The following CAPRIN2 variants were observed in gnomAD, a reference collection of about 807,000 sequenced individuals.
CAPRIN2 encodes caprin-2.
CAPRIN2 carries 66 observed loss-of-function variants against 130.4 expected under a neutral mutation model. That is an observed-to-expected ratio of 0.51 (90% CI 0.42 to 0.62). The LOEUF (loss-of-function observed/expected upper bound fraction) is 0.62. Ranked by LOEUF, CAPRIN2 falls within the 20% of genes least tolerant of loss-of-function variation. The pLI is 0.00. For missense variants in CAPRIN2, 1,185 were observed against 1,246.6 expected (o/e 0.95, Z 0.74); for synonymous variants, 471 against 444.1 (o/e 1.06, Z -0.76).
At chr12:30,746,920 G>GC (rs2070802417) in intron 2 of CAPRIN2, among the ~76,000 whole-genome samples, 3 of 152,340 alleles carry the variant, frequency 2.0e-5, no homozygotes, top group Admixed American at 2.0e-4. Flanking sequence ...CAATGTAGAT[G>GC]CAAGAGTCTC....
chr12:30,713,430 A>C (rs1268624075), intron 15 of CAPRIN2, among the ~76,000 whole-genome samples: 1 of 152,220 alleles, frequency 6.6e-6, no homozygotes, highest in Non-Finnish European at 1.5e-5. Context: ...TGGAGTAAGA[A>C]AGTCACATTC....
chr12:30,753,659 C>T (rs2075049001), exon 1 of CAPRIN2: 1 of 1,614,054 alleles, frequency 6.2e-7, no homozygotes, highest in African/African-American at 1.3e-5. Flanking sequence ...TAGAGGGACA[C>T]AGCCAGGCAA....
At chr12:30,737,168 C>T (rs1211526808) in intron 3 of CAPRIN2, among the ~76,000 whole-genome samples, 2 of 151,770 alleles carry the variant, frequency 1.3e-5, no homozygotes, top group East Asian at 3.9e-4. Context: ...CCATGCCTGG[C>T]TAATTTTTTT....
intron 2 of CAPRIN2, among the ~76,000 whole-genome samples, chr12:30,747,622 A>G (rs1332986903): frequency 3.3e-5 from 5 of 151,908 alleles, no homozygotes; most frequent in Non-Finnish European, 7.4e-5. Flanking sequence ...GGTTGCGGTG[A>G]GCCGAGATCG....
intron 2 of CAPRIN2, among the ~76,000 whole-genome samples, chr12:30,743,161 G>A (rs189869001): frequency 4.4e-4 from 55 of 124,672 alleles, no homozygotes; most frequent in Middle Eastern, 7.0e-3. Context: ...TGGATCCTAC[G>A]GAATTGTGCC....
At chr12:30,734,180 A>G (rs1405083788) in intron 4 of CAPRIN2, among the ~76,000 whole-genome samples, 6 of 152,370 alleles carry the variant, frequency 3.9e-5, no homozygotes, top group Admixed American at 2.0e-4. Flanking sequence ...GATGATGACG[A>G]TGGAGTAGAC....
chr12:30,712,733 C>CTTTTTTTTT (rs754373140), intron 15 of CAPRIN2, among the ~76,000 whole-genome samples: 1 of 107,312 alleles, frequency 9.3e-6, no homozygotes, highest in African/African-American at 3.4e-5. Flanking sequence ...GTTTTCCACT[C>CTTTTTTTTT]TTTTTTTTTT....
chr12:30,735,322 G>C, intron 3 of CAPRIN2, 116 bp from the exon 5 acceptor site: 1 of 794,442 alleles, frequency 1.3e-6, no homozygotes, highest in Non-Finnish European at 2.1e-6. Flanking sequence ...TCTCATGACT[G>C]TCAAACTACC....
At chr12:30,748,676 TCTGA>T (rs1343833020) in intron 2 of CAPRIN2, among the ~76,000 whole-genome samples, 1 of 152,206 alleles carries the variant, frequency 6.6e-6, no homozygotes, top group Non-Finnish European at 1.5e-5. Context: ...TTTTTTTCCT[TCTGA>T]CTTATCTGCA....
chr12:30,724,545 T>C (rs983918911), intron 9 of CAPRIN2, 94 bp from the exon 11 acceptor site: 2 of 818,430 alleles, frequency 2.4e-6, no homozygotes, highest in African/African-American at 3.4e-5. Context: ...CTATAGTCTA[T>C]TAGCTACACA....
At chr12:30,716,638 T>C (rs1289465544) in exon 13 of CAPRIN2, 2 of 1,614,024 alleles carry the variant, frequency 1.2e-6, no homozygotes, top group South Asian at 1.1e-5. Context: ...TTATTTCTTG[T>C]TCTTTTCGTG....
At chr12:30,753,624 G>A in exon 1 of CAPRIN2, 2 of 1,614,124 alleles carry the variant, frequency 1.2e-6, no homozygotes, top group South Asian at 1.1e-5. Context: ...AGGAGGTGGG[G>A]GAAAGTTAAG....
exon 8 of CAPRIN2, chr12:30,728,913 T>C: frequency 6.2e-7 from 1 of 1,614,172 alleles, no homozygotes; most frequent in South Asian, 1.1e-5. Context: ...CTTCTTTGGA[T>C]CTTGTTCTTT....
chr12:30,727,054 A>G (rs2061161558), intron 8 of CAPRIN2, among the ~76,000 whole-genome samples: 1 of 152,204 alleles, frequency 6.6e-6, no homozygotes, highest in Admixed American at 6.5e-5. Flanking sequence ...CTTTCCAAAT[A>G]TGTAACACTG....
At chr12:30,719,225 C>T in intron 12 of CAPRIN2, 1 of 1,613,658 alleles carries the variant, frequency 6.2e-7, no homozygotes. Context: ...GGAATTGCTG[C>T]CTGGGGAGGA....
chr12:30,746,827 G>C (rs1467032889), intron 2 of CAPRIN2, among the ~76,000 whole-genome samples: 1 of 152,210 alleles, frequency 6.6e-6, no homozygotes, highest in Non-Finnish European at 1.5e-5. Context: ...AGCAACAAGT[G>C]CTAATGTAGA....
intron 1 of CAPRIN2, among the ~76,000 whole-genome samples, chr12:30,751,982 G>C (rs973448448): frequency 7.1e-6 from 1 of 140,482 alleles, no homozygotes; most frequent in Non-Finnish European, 1.5e-5. Context: ...GCAGTGTCGC[G>C]ATCTCGGCAC....
intron 9 of CAPRIN2, 109 bp from the exon 11 acceptor site, chr12:30,724,560 T>A: frequency 1.4e-6 from 1 of 730,846 alleles, no homozygotes; most frequent in South Asian, 1.6e-5. Context: ...TACACATAAA[T>A]ATCTAGCTAA....
chr12:30,736,631 G>A (rs1260382816), intron 3 of CAPRIN2, among the ~76,000 whole-genome samples: 3 of 152,206 alleles, frequency 2.0e-5, no homozygotes, highest in African/African-American at 7.2e-5. Context: ...GATAGTAAGT[G>A]AAGATATAAA....
Sources: gnomAD v4.1 joint callset for allele counts (sites outside exome capture counted in the v4.1 genomes callset) on GRCh38, gnomAD v4.1.1 for gene constraint, MANE v1.5 for transcripts, NCBI Gene and HGNC (gene_info 2026-07-23, HGNC 2026-07-21) for gene names.